The following RORB variants were observed in gnomAD, a reference collection of about 807,000 sequenced individuals.
RORB encodes nuclear receptor ROR-beta.
RORB carries 6 observed loss-of-function variants against 59.1 expected under a neutral mutation model. The observed-to-expected ratio is 0.10, with a 90% CI of 0.06 to 0.20. The LOEUF (loss-of-function observed/expected upper bound fraction) is 0.20, where lower values mean the gene tolerates loss of function less well. Among genes scored for constraint, RORB ranks in the 10% least tolerant of loss-of-function variants. RORB has a pLI of 1.00. For synonymous variants in RORB, 215 were observed against 204.5 expected, an observed-to-expected ratio of 1.05 and a Z score of -0.44; for missense variants, 320 against 560.5, an observed-to-expected ratio of 0.57 and a Z score of 4.33.
At chr9:74,503,422 A>G (rs1233119566) in intron 1 of RORB, among the ~76,000 whole-genome samples, 2 of 152,060 alleles carry the variant, frequency 1.3e-5, no homozygotes, top group African/African-American at 4.8e-5. Flanking sequence ...TTGAGAGAGA[A>G]AATCATTCTT....
At position 74,560,097 on chromosome 9, in the gene RORB, C is replaced by G. The variant is rs368541458; in HGVS notation, c.7+62114C>G. Among the ~76,000 whole-genome samples, 5 of 152,236 alleles carry G rather than the reference C, an allele frequency of 3.3e-5. No individual in the cohort carries two copies. The East Asian group carries it at 7.7e-4, about 24-fold the overall frequency. On this transcript the variant is annotated intron_variant, in intron 1 of 9. Coordinates refer to ENST00000376896, the MANE Select transcript of RORB (RefSeq NM_006914.4). ...AAGAGAATTGGAGCATTTGTTTCCT[C>G]TACGGTTTACCCATTTCTATTCACT... is the stretch of plus-strand genomic sequence containing the variant.
intron 9 of RORB, among the ~76,000 whole-genome samples, chr9:74,679,864 G>A (rs1290403024): frequency 1.3e-5 from 2 of 152,114 alleles, no homozygotes; most frequent in African/African-American, 2.4e-5. Context: ...TTGGGAGGCC[G>A]AGGCAGGCGG....
intron 1 of RORB, among the ~76,000 whole-genome samples, chr9:74,583,037 A>G (rs1187677929): frequency 2.0e-5 from 3 of 152,100 alleles, no homozygotes; most frequent in Non-Finnish European, 2.9e-5. Context: ...TAAGGCAACA[A>G]TGTGGCACAT....
At chr9:74,634,354 T>C (rs753341066) in intron 2 of RORB, among the ~76,000 whole-genome samples, 6 of 152,194 alleles carry the variant, frequency 3.9e-5, no homozygotes, top group Non-Finnish European at 7.4e-5. Context: ...TATTTCTGCA[T>C]AGAACAGCAC....
intron 1 of RORB, among the ~76,000 whole-genome samples, chr9:74,581,527 A>G (rs1241965950): frequency 1.3e-5 from 2 of 152,174 alleles, no homozygotes; most frequent in Non-Finnish European, 2.9e-5. Context: ...TCACAACCTC[A>G]CCACACTTTT....
chr9:74,637,514 G>A (rs1255961163), intron 3 of RORB, among the ~76,000 whole-genome samples: 1 of 152,162 alleles, frequency 6.6e-6, no homozygotes, highest in Non-Finnish European at 1.5e-5. Context: ...GAAGACATGT[G>A]TGCATGTGTG....
At chr9:74,675,954 T>G (rs1824433077) in intron 9 of RORB, among the ~76,000 whole-genome samples, 1 of 152,178 alleles carries the variant, frequency 6.6e-6, no homozygotes, top group Non-Finnish European at 1.5e-5. Context: ...GCTCTTCCAT[T>G]CTAGGGCTTT....
intron 1 of RORB, among the ~76,000 whole-genome samples, chr9:74,579,393 A>G (rs1293410960): frequency 6.6e-6 from 1 of 151,994 alleles, no homozygotes; most frequent in Non-Finnish European, 1.5e-5. Flanking sequence ...TGTCTGTTTT[A>G]AGTTGCTGGC....
chr9:74,632,435 A>G (rs1345571803), intron 2 of RORB, among the ~76,000 whole-genome samples: 1 of 152,220 alleles, frequency 6.6e-6, no homozygotes, highest in Non-Finnish European at 1.5e-5. Context: ...CAATGTCAGC[A>G]CATTCAGTAT....
Position 74,665,489 on chromosome 9 carries a change from T to A in RORB, c.894T>A (p.Gly298=). ...TTTATTTTTATTTTTTACTCATAGGTTGCTTGGAAGTGGTTTTAGTGAGAA... is the reference window on the plus strand; with the variant it reads ...TTTATTTTTATTTTTTACTCATAGGATGCTTGGAAGTGGTTTTAGTGAGAA... ...QNDQILLLKS[G]CLEVVLVRMC... is the part of the protein sequence containing the mutation. The change falls in exon 7 of 10, where the codon GGT becomes GGA. Residue 298 remains glycine, a splice_region_variant and synonymous_variant. Coordinates refer to ENST00000376896, the MANE Select transcript of RORB (RefSeq NM_006914.4). 6.3e-7 allele frequency: 1 copy of A among 1,587,122 alleles called. No individual in the cohort carries two copies. Among genetic ancestry groups the A allele is most frequent in the Non-Finnish European group, 8.6e-7 (1 of 1,161,166 alleles).
chr9:74,613,429 T>C (rs1313191036), intron 1 of RORB, among the ~76,000 whole-genome samples: 1 of 152,216 alleles, frequency 6.6e-6, no homozygotes, highest in Non-Finnish European at 1.5e-5. Flanking sequence ...CCTCAGATTC[T>C]GACTCAGTAG....
chr9:74,645,983 G>A (rs1168554720), intron 4 of RORB, among the ~76,000 whole-genome samples: 5 of 152,012 alleles, frequency 3.3e-5, no homozygotes, highest in South Asian at 2.1e-4. Context: ...GAGTATGCAC[G>A]CTGTCATTTT....
intron 6 of RORB, among the ~76,000 whole-genome samples, chr9:74,663,733 T>C (rs1216982162): frequency 6.6e-6 from 1 of 152,158 alleles, no homozygotes; most frequent in Admixed American, 6.5e-5. Flanking sequence ...ACACAGCTGA[T>C]GAGTTGTGCT....
intron 4 of RORB, among the ~76,000 whole-genome samples, chr9:74,655,907 G>A (rs1350099839): frequency 6.6e-6 from 1 of 152,224 alleles, no homozygotes; most frequent in African/African-American, 2.4e-5. Context: ...AGAATAGTGA[G>A]AGAAAGTGGT....
At chr9:74,620,323 T>C (rs914859973) in intron 1 of RORB, among the ~76,000 whole-genome samples, 3 of 152,326 alleles carry the variant, frequency 2.0e-5, no homozygotes, top group South Asian at 2.1e-4. Context: ...TTCTAGTTTA[T>C]TTGCGTAGAG....
chr9:74,514,958 A>T (rs1825988113), intron 1 of RORB, among the ~76,000 whole-genome samples: 1 of 151,456 alleles, frequency 6.6e-6, no homozygotes. Flanking sequence ...TTGAGGTCAG[A>T]CAGCTTTGAA....
At chr9:74,622,694 T>A (rs1465376772) in intron 1 of RORB, among the ~76,000 whole-genome samples, 2 of 151,740 alleles carry the variant, frequency 1.3e-5, no homozygotes, top group African/African-American at 2.4e-5. Context: ...ACCCAGCTAA[T>A]TTTTGTATTT....
At chr9:74,561,179 G>A (rs1435417642) in intron 1 of RORB, among the ~76,000 whole-genome samples, 1 of 151,890 alleles carries the variant, frequency 6.6e-6, no homozygotes, top group African/African-American at 2.4e-5. Flanking sequence ...TTCCTGAGAG[G>A]TCTTCATTGA....
chr9:74,679,911 G>C (rs1383361484), intron 9 of RORB, among the ~76,000 whole-genome samples: 1 of 152,068 alleles, frequency 6.6e-6, no homozygotes. Context: ...GACCAGACTG[G>C]CCAACATGGT....
Sources: allele counts gnomAD v4.1 joint callset (sites outside exome capture counted in the v4.1 genomes callset), GRCh38; gene constraint gnomAD v4.1.1; transcripts MANE v1.5; gene names NCBI Gene and HGNC (gene_info 2026-07-23, HGNC 2026-07-21).